The following PTAFR variants were observed in gnomAD, a reference collection of about 807,000 sequenced individuals.
PTAFR encodes platelet activating factor receptor.
Under a neutral mutation model 14.7 loss-of-function variants are expected in PTAFR, and 8 were observed. The observed-to-expected ratio is 0.54, with a 90% CI of 0.32 to 0.98. The LOEUF is 0.98. PTAFR is among the 50% of genes least tolerant of loss of function. The pLI is 0.04. For synonymous variants in PTAFR, 156 were observed against 176.5 expected, an observed-to-expected ratio of 0.88 and a Z score of 0.92; for missense variants, 337 against 451.2, an observed-to-expected ratio of 0.75 and a Z score of 2.29.
intron 1 of PTAFR, among the ~76,000 whole-genome samples, chr1:28,165,569 G>C (rs901321099): frequency 2.6e-5 from 4 of 151,648 alleles, no homozygotes; most frequent in African/African-American, 9.7e-5. Flanking sequence ...GGATCACGAG[G>C]TCAGGAGATC....
At chr1:28,188,582 T>C (rs1373256720) in intron 1 of PTAFR, among the ~76,000 whole-genome samples, 1 of 151,790 alleles carries the variant, frequency 6.6e-6, no homozygotes, top group Non-Finnish European at 1.5e-5. Flanking sequence ...CTACTAAAAA[T>C]ACAAAAAATT....
At chr1:28,173,024 C>A (rs543255271) in intron 1 of PTAFR, among the ~76,000 whole-genome samples, 2 of 141,666 alleles carry the variant, frequency 1.4e-5, no homozygotes, top group South Asian at 2.2e-4. Context: ...AATCCCAGCG[C>A]TTTGGGAAGC....
At chr1:28,181,556 C>G (rs1646562741), upstream of PTAFR, among the ~76,000 whole-genome samples, 1 of 151,698 alleles carries the variant, frequency 6.6e-6, no homozygotes, top group Non-Finnish European at 1.5e-5. Context: ...AGACCAGCCT[C>G]AACATGGAGA....
At chr1:28,193,411 G>A (rs1405360832) in intron 1 of PTAFR, among the ~76,000 whole-genome samples, 2 of 152,074 alleles carry the variant, frequency 1.3e-5, no homozygotes, top group Non-Finnish European at 2.9e-5. Context: ...TGTATCTGTG[G>A]ATGATGAGGG....
In PTAFR at chr1:28,173,797, T is replaced by A. The variant is rs902560053; in HGVS notation, c.-39+2795A>T. ...AACCAAGGGGGTGGGGAGGGGTGGCTGAGTGGTGATCCTCCCCCTGCATAT... is the reference window on the plus strand; with the variant it reads ...AACCAAGGGGGTGGGGAGGGGTGGCAGAGTGGTGATCCTCCCCCTGCATAT... On this transcript the variant is annotated intron_variant, in intron 1 of 1. Transcript: ENST00000373857. 1.6e-4 allele frequency among the ~76,000 whole-genome samples: 25 copies of A among 152,078 alleles called. No individual in the cohort carries two copies. In the South Asian group the frequency reaches 2.3e-3, roughly 14 times the overall value.
upstream of PTAFR, among the ~76,000 whole-genome samples, chr1:28,180,500 A>T (rs939031789): frequency 3.3e-5 from 5 of 152,232 alleles, no homozygotes; most frequent in African/African-American, 1.2e-4. Context: ...CGGCACCGCC[A>T]GTTGGCTGAC....
At chr1:28,178,599 A>C (rs910141703), upstream of PTAFR, among the ~76,000 whole-genome samples, 1 of 151,970 alleles carries the variant, frequency 6.6e-6, no homozygotes, top group South Asian at 2.1e-4. Context: ...AGTCATGTAG[A>C]ACTAGAGCCA....
chr1:28,155,882 C>G (rs139374413), intron 1 of PTAFR, among the ~76,000 whole-genome samples: 1 of 151,620 alleles, frequency 6.6e-6, no homozygotes, highest in Non-Finnish European at 1.5e-5. Context: ...AGTAAAACAA[C>G]GAAAAAGTCC....
chr1:28,157,081 A>G (rs1646272535), intron 1 of PTAFR, among the ~76,000 whole-genome samples: 1 of 152,216 alleles, frequency 6.6e-6, no homozygotes, highest in Non-Finnish European at 1.5e-5. Flanking sequence ...TGAGGCATTC[A>G]CTGGTTGCAA....
At chr1:28,193,175 CTG>C (rs141778632) in intron 1 of PTAFR, among the ~76,000 whole-genome samples, 14 of 149,714 alleles carry the variant, frequency 9.4e-5, no homozygotes, top group South Asian at 2.1e-4. Flanking sequence ...TGCTGTGTGT[CTG>C]TGTGTGTGTG....
chr1:28,168,226 C>A (rs1406179571), intron 1 of PTAFR, among the ~76,000 whole-genome samples: 2 of 151,838 alleles, frequency 1.3e-5, no homozygotes, highest in African/African-American at 4.8e-5. Flanking sequence ...CCTCCTCGGC[C>A]ACCCAAAGTG....
At chr1:28,189,328 ATG>A (rs1208507363) in intron 1 of PTAFR, among the ~76,000 whole-genome samples, 4 of 152,212 alleles carry the variant, frequency 2.6e-5, no homozygotes, top group Admixed American at 2.0e-4. Flanking sequence ...AATAAACATA[ATG>A]CGGCCGGGCA....
At chr1:28,173,105 C>CAAAAAAA (rs68034962) in intron 1 of PTAFR, among the ~76,000 whole-genome samples, 2 of 50,122 alleles carry the variant, frequency 4.0e-5, no homozygotes, top group South Asian at 7.7e-4. Context: ...CCCGTTTCCA[C>CAAAAAAA]AAAAAAAAAA....
rs1237405256 is a variant in PTAFR at position 28,149,094 on chromosome 1, T to C, written c.*899A>G. 6.6e-6 allele frequency: 1 copy of C among 152,276 alleles called. No homozygotes were observed. Among genetic ancestry groups the C allele is most frequent in the African/African-American group, 2.4e-5 (1 of 41,452 alleles). The allele number at this position is 152,276 out of a possible 1,614,324, so 9.4% of individuals were successfully genotyped here. On this transcript the variant is annotated 3_prime_UTR_variant, in exon 2 of 2. Transcript: ENST00000373857. ...GCTCTTGTCCTAGCTTTTGGTCTGT[T>C]CATGTTTTATCTTCTTTGGTCACCA...
chr1:28,150,521 T>A lies in PTAFR; in HGVS notation c.501A>T (p.Ser167=). The change falls in exon 2 of 2, where the codon TCA becomes TCT. Residue 167 remains serine, a synonymous_variant. Transcript: ENST00000373857. This position sits in a 1 kb window ranked among gnomAD's most constrained non-coding sequence, Gnocchi z 6.3. ...STNTVPDSAG[S]GNVTRCFEHY... The stretch of plus-strand genomic sequence containing the variant: ...GCTCAAAGCAGCGAGTGACGTTGCC[T>A]GAGCCAGCACTGTCGGGCACTGTGT... The A allele has an allele frequency of 1.9e-6, 3 of 1,614,204 alleles. No homozygotes were observed. Among genetic ancestry groups the A allele is most frequent in the Non-Finnish European group, 2.5e-6 (3 of 1,180,032 alleles).
intron 1 of PTAFR, among the ~76,000 whole-genome samples, chr1:28,160,476 G>A (rs1646309887): frequency 6.6e-6 from 1 of 150,948 alleles, no homozygotes; most frequent in South Asian, 2.1e-4. Context: ...ACTGAGGAAG[G>A]AGGATGGGTC....
chr1:28,187,101 ATAT>A (rs1646613753), intron 1 of PTAFR, among the ~76,000 whole-genome samples: 1 of 152,126 alleles, frequency 6.6e-6, no homozygotes, highest in Non-Finnish European at 1.5e-5. Context: ...CTCAAGAGTG[ATAT>A]TATCATAGTG....
chr1:28,191,939 T>C (rs967402127), intron 1 of PTAFR, among the ~76,000 whole-genome samples: 1 of 151,988 alleles, frequency 6.6e-6, no homozygotes, highest in South Asian at 2.1e-4. Flanking sequence ...TGGTGGTGCA[T>C]GCCTGTGGTC....
At chr1:28,155,706 G>GA (rs1192466680) in intron 1 of PTAFR, among the ~76,000 whole-genome samples, 4 of 150,920 alleles carry the variant, frequency 2.7e-5, no homozygotes, top group Non-Finnish European at 5.9e-5. Context: ...CTCTACAAAA[G>GA]AAAAAATTTA....
Sources: allele counts gnomAD v4.1 joint callset (sites outside exome capture counted in the v4.1 genomes callset), GRCh38; gene constraint gnomAD v4.1.1; non-coding constraint Gnocchi (gnomAD v3.1); transcripts MANE v1.5; gene names NCBI Gene and HGNC (gene_info 2026-07-23, HGNC 2026-07-21).